The following ALG1 variants were observed in gnomAD, a reference collection of about 807,000 sequenced individuals.
ALG1 encodes chitobiosyldiphosphodolichol beta-mannosyltransferase.
In ALG1, 58 loss-of-function variants were observed where a neutral mutation model predicts 55.1. The ratio of observed to expected loss-of-function variants is 1.05; its 90% CI spans 0.85 to 1.31. The LOEUF (loss-of-function observed/expected upper bound fraction) is 1.31, where lower values mean the gene tolerates loss of function less well. Among genes scored for constraint, ALG1 ranks in the 50% most tolerant of loss-of-function variants. The pLI is 0.00. For missense variants in ALG1, 761 were observed against 598.6 expected (o/e 1.27, Z -2.83); for synonymous variants, 309 against 247.0 (o/e 1.25, Z -2.35).
Position 5,075,389 on chromosome 16 carries a change from A to AC in ALG1, c.398dup (p.Gly134ArgfsTer4). 20 of 1,613,576 alleles carry AC rather than the reference A, an allele frequency of 1.2e-5. No homozygotes were observed. The highest frequency in any genetic ancestry group is 1.6e-5 in the Non-Finnish European group (19 of 1,179,860). The stretch of plus-strand genomic sequence containing the variant: ...CCTTCAAGTCTCTATCTTTCCTAGA[A>AC]CCCCCCAGGTCTGCCTAGCATTGCT... On this transcript the variant is annotated frameshift_variant and splice_region_variant, in exon 4 of 13. Transcript: ENST00000262374. LOFTEE classifies it high-confidence loss of function.
intron 11 of ALG1, among the ~76,000 whole-genome samples, chr16:5,083,245 G>C (rs903852986): frequency 2.0e-5 from 3 of 152,146 alleles, no homozygotes; most frequent in African/African-American, 7.2e-5. Flanking sequence ...CCGGCCCCTG[G>C]ATGGGATTTA....
chr16:5,072,195 C>A, intron 1 of ALG1, 138 bp downstream of exon 1: 6 of 1,528,414 alleles, frequency 3.9e-6, no homozygotes, highest in Admixed American at 2.0e-5. Flanking sequence ...ACGAGCGGTT[C>A]TGCCCCAGCC....
In ALG1 at chr16:5,085,724, C is replaced by T. The variant is rs768441103; in HGVS notation, c.*843C>T. Reference sequence around the variant, plus strand: ...CGAGGTTCCACTTCCCATCTGATCCCGGCCCGGCCTGGAAACAGAGCACAT... The same window carrying T: ...CGAGGTTCCACTTCCCATCTGATCCTGGCCCGGCCTGGAAACAGAGCACAT... On this transcript the variant is annotated 3_prime_UTR_variant, in exon 13 of 13. Coordinates refer to ENST00000262374, the MANE Select transcript of ALG1 (RefSeq NM_019109.5). 1.6e-5 allele frequency: 26 copies of T among 1,610,998 alleles called. No individual in the cohort carries two copies. In the East Asian group the frequency reaches 2.2e-4, roughly 14 times the overall value.
rs1344153978 is a variant in ALG1 at position 5,086,097 on chromosome 16, A to T, written c.*1216A>T. On this transcript the variant is annotated 3_prime_UTR_variant, in exon 13 of 13. Transcript: ENST00000262374. ...ATGCCTGTAATCCCAACACTTTGGGAGGCCAAGGCGGGCGGATCACTTGAG... is the reference window on the plus strand; with the variant it reads ...ATGCCTGTAATCCCAACACTTTGGGTGGCCAAGGCGGGCGGATCACTTGAG... 6.6e-6 allele frequency among the ~76,000 whole-genome samples: 1 copy of T among 152,342 alleles called. No homozygotes were observed. Among genetic ancestry groups the T allele is most frequent in the East Asian group, 1.9e-4 (1 of 5,180 alleles).
chr16:5,084,841 G>C lies in ALG1; in HGVS notation c.1355G>C (p.Ser452Thr). 1 of 1,596,484 alleles carries C rather than the reference G, an allele frequency of 6.3e-7. No individual in the cohort carries two copies. Among genetic ancestry groups the C allele is most frequent in the Non-Finnish European group, 8.5e-7 (1 of 1,179,792 alleles). The part of the protein sequence containing the change: ...RESQQLRWDE[S>T]WVQTVLPLVM... ...TCGCAGCAGCTCCGATGGGATGAGA[G>C]CTGGGTGCAGACTGTGCTCCCTTTG... Residue 452 changes from serine (S) to threonine (T), a missense_variant, in exon 13 of 13, where the codon AGC becomes ACC. Transcript: ENST00000262374.
chr16:5,078,976 C>G, intron 7 of ALG1, 88 bp from the exon 8 acceptor site: 2 of 1,595,518 alleles, frequency 1.3e-6, no homozygotes, highest in Admixed American at 1.7e-5. Flanking sequence ...TCCCACCCTG[C>G]CACGGTCTCA....
At chr16:5,072,593 C>G (rs1175124326) in intron 1 of ALG1, among the ~76,000 whole-genome samples, 5 of 152,192 alleles carry the variant, frequency 3.3e-5, no homozygotes, top group African/African-American at 1.2e-4. Context: ...CCTTTAATCC[C>G]TGTTTAGAAT....
Position 5,075,536 on chromosome 16 carries a change from G to C in ALG1, c.539G>C (p.Trp180Ser), listed in dbSNP as rs1956896096. ...PNHPLVLLAK[W>S]YEKFFGRLSH... Reference sequence around the variant, plus strand: ...CATCCCCTCGTTCTGCTGGCCAAGTGGTGAGAGTCTAGGAAGAGGGTAAAA... The same window carrying C: ...CATCCCCTCGTTCTGCTGGCCAAGTCGTGAGAGTCTAGGAAGAGGGTAAAA... The change falls in exon 4 of 13, where the codon TGG (tryptophan) becomes TCG (serine). Residue 180 changes from tryptophan (W) to serine (S), a missense_variant and splice_region_variant. By Grantham distance (177) the Trp-to-Ser change is radical. Coordinates refer to ENST00000262374, the MANE Select transcript of ALG1 (RefSeq NM_019109.5). 6.2e-7 allele frequency: 1 copy of C among 1,614,076 alleles called. No homozygotes were observed. Among genetic ancestry groups the C allele is most frequent in the East Asian group, 2.2e-5 (1 of 44,876 alleles).
intron 5 of ALG1, 117 bp downstream of exon 5, chr16:5,077,651 C>T (rs904536834): frequency 9.5e-5 from 111 of 1,164,828 alleles, no homozygotes; most frequent in Non-Finnish European, 1.3e-4. Context: ...ATACTGAGGG[C>T]CTGGGAGGTG....
At chr16:5,083,978 AT>A (rs1957065269) in intron 12 of ALG1, among the ~76,000 whole-genome samples, 1 of 152,098 alleles carries the variant, frequency 6.6e-6, no homozygotes, top group Non-Finnish European at 1.5e-5. Context: ...TGCCCTCTGG[AT>A]TTATGGAGCT....
chr16:5,077,803 A>T, intron 5 of ALG1, 104 bp from the exon 6 acceptor site: 1 of 1,212,688 alleles, frequency 8.2e-7, no homozygotes, highest in Non-Finnish European at 1.2e-6. Flanking sequence ...ATCATCTGAG[A>T]CTTGGATTCC....
chr16:5,078,649 G>T (rs1956958117), intron 6 of ALG1, 108 bp from the exon 7 acceptor site: 22 of 1,602,054 alleles, frequency 1.4e-5, no homozygotes, highest in Non-Finnish European at 1.8e-5. Context: ...ATGTGGCTGG[G>T]CACCCCAACC....
chr16:5,084,560 T>G (rs1276782154), intron 12 of ALG1, 190 bp from the exon 13 acceptor site: 1 of 937,512 alleles, frequency 1.1e-6, no homozygotes, highest in Admixed American at 2.1e-5. Context: ...GCGGGGAAGT[T>G]TCCAGAAACT....
At chr16:5,084,311 C>G (rs1205233323) in intron 12 of ALG1, 1 of 350,410 alleles carries the variant, frequency 2.9e-6, no homozygotes, top group African/African-American at 2.1e-5. Context: ...GGCTTTGTTC[C>G]AATAAAACTT....
In ALG1 at chr16:5,078,006, G is replaced by C; in HGVS notation, c.729G>C (p.Pro243=). The change falls in exon 6 of 13, where the codon CCG becomes CCC. Residue 243 remains proline, a synonymous_variant. Coordinates refer to ENST00000262374, the MANE Select transcript of ALG1 (RefSeq NM_019109.5). ...TGAAGCTGGGCAGCATGCACTCTCC[G>C]TTCAGGGCCCGGTAGGCCTCCCATC... The part of the protein sequence containing the change: ...LFMKLGSMHS[P]FRARSEPEDP... 2.5e-6 allele frequency: 4 copies of C among 1,599,180 alleles called. No homozygotes were observed. Among genetic ancestry groups the C allele is most frequent in the South Asian group, 1.1e-5 (1 of 90,984 alleles).
At chr16:5,082,432 T>A in intron 10 of ALG1, 127 bp from the exon 11 acceptor site, 1 of 975,658 alleles carries the variant, frequency 1.0e-6, no homozygotes, top group Non-Finnish European at 1.6e-6. Flanking sequence ...AAGCCACTTG[T>A]GTTTGGGGCT....
In ALG1 at chr16:5,072,939, C is replaced by A; in HGVS notation, c.209-12C>A. 1 of 1,613,142 alleles carries A rather than the reference C, an allele frequency of 6.2e-7. No individual in the cohort carries two copies. Reference sequence around the variant, plus strand: ...CTTCTGGTACATTAAAGGGATCATTCTCATTTTTCAGACTCCAAACCCCAT... The same window carrying A: ...CTTCTGGTACATTAAAGGGATCATTATCATTTTTCAGACTCCAAACCCCAT... On this transcript the variant is annotated splice_polypyrimidine_tract_variant and intron_variant, in intron 1 of 12. Transcript: ENST00000262374.
intron 10 of ALG1, among the ~76,000 whole-genome samples, chr16:5,081,909 T>C (rs948106334): frequency 1.3e-5 from 2 of 152,070 alleles, no homozygotes; most frequent in African/African-American, 4.8e-5. Flanking sequence ...ATTTTCACAG[T>C]GACAGCTGGT....
intron 6 of ALG1, chr16:5,078,453 A>G (rs981129072): frequency 5.3e-5 from 33 of 624,166 alleles, no homozygotes; most frequent in Middle Eastern, 4.2e-4. Flanking sequence ...TGCCCTGGGT[A>G]AGCTGGGGTG....
Sources: gnomAD v4.1 joint callset for allele counts (sites outside exome capture counted in the v4.1 genomes callset) on GRCh38, gnomAD v4.1.1 for gene constraint, MANE v1.5 for transcripts, NCBI Gene and HGNC (gene_info 2026-07-23, HGNC 2026-07-21) for gene names.